Variants in CLEC16A observed in about 807,000 individuals in gnomAD.
The protein encoded by CLEC16A is C-type lectin domain containing 16A.
CLEC16A carries 51 observed loss-of-function variants against 109.5 expected under a neutral mutation model. The ratio of observed to expected loss-of-function variants is 0.47; its 90% CI spans 0.37 to 0.59. CLEC16A has a LOEUF of 0.59. CLEC16A is among the 20% of genes least tolerant of loss of function. The pLI is 0.00. For synonymous variants in CLEC16A, 673 were observed against 564.2 expected (o/e 1.19, Z -2.73); for missense variants, 1,339 against 1,394.0 (o/e 0.96, Z 0.63).
At chr16:11,126,458 T>A (rs2052828112) in intron 22 of CLEC16A, 1 of 1,251,522 alleles carries the variant, frequency 8.0e-7, no homozygotes, top group South Asian at 1.7e-5. Flanking sequence ...GTGCTGAAGT[T>A]GTGGGAGAGT....
At position 11,129,291 on chromosome 16, in the gene CLEC16A, C is replaced by A. The variant is rs549479734; in HGVS notation, c.2641+3145C>A. On this transcript the variant is annotated intron_variant, in intron 22 of 23. Coordinates refer to ENST00000409790, the MANE Select transcript of CLEC16A (RefSeq NM_015226.3). ...TCAATATATACTTCTTGAATAAACC[C>A]ATTGCATATATGCATAACTAACATA... Among the ~76,000 whole-genome samples, 3 of 152,298 alleles carry A rather than the reference C, an allele frequency of 2.0e-5. No individual in the cohort carries two copies. The South Asian group carries it at 6.2e-4, about 32-fold the overall frequency.
In CLEC16A at chr16:11,002,975, A is replaced by T. The variant is rs1489927150; in HGVS notation, c.1072-99A>T. The T allele has an allele frequency of 1.7e-5, 15 of 859,906 alleles. No homozygotes were observed. The South Asian group carries it at 2.5e-4, about 14-fold the overall frequency. The allele number at this position is 859,906 out of a possible 1,614,324, so 53.3% of individuals were successfully genotyped here. A position where few individuals can be genotyped will look rare whatever the true frequency, so the allele number is the denominator to read the frequency against. On this transcript the variant is annotated intron_variant, in intron 10 of 23. Transcript: ENST00000409790. ...CTTATGATATAATGGTTTCTTTTGGAGATGAGTTTCTTAGGACAGAAACTT... is the reference window on the plus strand; with the variant it reads ...CTTATGATATAATGGTTTCTTTTGGTGATGAGTTTCTTAGGACAGAAACTT...
chr16:11,008,659 A>G (rs1345195435), intron 11 of CLEC16A, among the ~76,000 whole-genome samples: 1 of 151,606 alleles, frequency 6.6e-6, no homozygotes, highest in African/African-American at 2.4e-5. Context: ...AACAAAATTT[A>G]CCATCTGAAT....
intron 18 of CLEC16A, among the ~76,000 whole-genome samples, chr16:11,054,932 C>CTT (rs151109740): frequency 0.025 from 3,232 of 130,588 alleles, 90 homozygotes; most frequent in African/African-American, 0.075. Flanking sequence ...GGTTTTCTTT[C>CTT]TTTTTTTTTT....
intron 23 of CLEC16A, among the ~76,000 whole-genome samples, chr16:11,176,370 C>G (rs187749331): frequency 2.0e-5 from 3 of 152,330 alleles, no homozygotes; most frequent in Non-Finnish European, 1.5e-5. Flanking sequence ...AGAGCGAGGA[C>G]CAAAGCCTCA....
At position 11,023,519 on chromosome 16, in the gene CLEC16A, C is replaced by T. The variant is rs557347171; in HGVS notation, c.1437-1302C>T. ...GGGCTGTGGAGAAATGGGGATGGAA[C>T]ATAAATGTCCCCTTTAAGATTTTCA... On this transcript the variant is annotated intron_variant, in intron 12 of 23. Coordinates refer to ENST00000409790, the MANE Select transcript of CLEC16A (RefSeq NM_015226.3). 3.3e-5 allele frequency among the ~76,000 whole-genome samples: 5 copies of T among 152,038 alleles called. No individual in the cohort carries two copies. The South Asian group carries it at 8.3e-4, about 25-fold the overall frequency.
intron 19 of CLEC16A, among the ~76,000 whole-genome samples, chr16:11,119,643 C>G (rs565671632): frequency 6.6e-6 from 1 of 152,146 alleles, no homozygotes; most frequent in African/African-American, 2.4e-5. Context: ...CCTCCCTCCT[C>G]GGACTCCCAA....
At chr16:10,972,350 C>T (rs559820704) in intron 5 of CLEC16A, 83 of 578,246 alleles carry the variant, frequency 1.4e-4, no homozygotes, top group African/African-American at 1.4e-3. Flanking sequence ...AGATTGTGAC[C>T]CTGGTCCAAG....
At chr16:11,087,597 G>A (rs921827317) in intron 19 of CLEC16A, among the ~76,000 whole-genome samples, 5 of 152,148 alleles carry the variant, frequency 3.3e-5, no homozygotes, top group African/African-American at 4.8e-5. Context: ...AGTAAAAGTG[G>A]GATTCAACCC....
At chr16:11,150,963 T>G (rs1192329731) in intron 22 of CLEC16A, among the ~76,000 whole-genome samples, 1 of 152,210 alleles carries the variant, frequency 6.6e-6, no homozygotes, top group Non-Finnish European at 1.5e-5. Flanking sequence ...AATTTTCATT[T>G]TTTAGGAGGC....
chr16:11,122,342 A>T (rs1246001714), intron 20 of CLEC16A, among the ~76,000 whole-genome samples: 1 of 152,238 alleles, frequency 6.6e-6, no homozygotes, highest in Non-Finnish European at 1.5e-5. Flanking sequence ...ATTATCCATT[A>T]AGTGACTTAT....
chr16:11,067,135 G>A (rs550993297), intron 19 of CLEC16A, among the ~76,000 whole-genome samples: 1 of 147,098 alleles, frequency 6.8e-6, no homozygotes, highest in Non-Finnish European at 1.5e-5. Context: ...AATGGGGAGT[G>A]GGTTTGTTGT....
At chr16:11,119,299 A>G (rs1380679661) in intron 19 of CLEC16A, among the ~76,000 whole-genome samples, 1 of 152,114 alleles carries the variant, frequency 6.6e-6, no homozygotes. Flanking sequence ...CACAGCACCC[A>G]GCCTATATGT....
intron 22 of CLEC16A, among the ~76,000 whole-genome samples, chr16:11,135,204 A>C (rs1193832653): frequency 1.3e-5 from 2 of 152,194 alleles, no homozygotes; most frequent in African/African-American, 4.8e-5. Context: ...TGGGGAACAG[A>C]TCCTACTCAA....
At chr16:10,985,994 C>T (rs111326984) in intron 10 of CLEC16A, among the ~76,000 whole-genome samples, 134 of 137,338 alleles carry the variant, frequency 9.8e-4, no homozygotes, top group African/African-American at 3.5e-3. Flanking sequence ...GTGTGAGACA[C>T]TGCACCTGGC....
intron 13 of CLEC16A, among the ~76,000 whole-genome samples, chr16:11,032,586 G>T (rs1229890432): frequency 6.6e-6 from 1 of 152,210 alleles, no homozygotes; most frequent in Non-Finnish European, 1.5e-5. Context: ...AAATGAACAG[G>T]GTGGAGTGAT....
intron 18 of CLEC16A, among the ~76,000 whole-genome samples, chr16:11,057,438 T>G (rs2048267803): frequency 6.6e-6 from 1 of 152,212 alleles, no homozygotes; most frequent in South Asian, 2.1e-4. Context: ...GTCACGTGAT[T>G]ACCAAGCCCC....
intron 10 of CLEC16A, among the ~76,000 whole-genome samples, chr16:10,990,499 TG>T (rs1258432936): frequency 6.6e-6 from 1 of 152,220 alleles, no homozygotes; most frequent in Non-Finnish European, 1.5e-5. Context: ...CGGGTGACTG[TG>T]ACCAAAGGCC....
chr16:10,968,435 T>A (rs1377398430), intron 3 of CLEC16A, among the ~76,000 whole-genome samples: 1 of 152,202 alleles, frequency 6.6e-6, no homozygotes, highest in Non-Finnish European at 1.5e-5. Context: ...GGAATGGGGT[T>A]GCTCTTCAGT....
Sources: gnomAD v4.1 joint callset for allele counts (sites outside exome capture counted in the v4.1 genomes callset) on GRCh38, gnomAD v4.1.1 for gene constraint, MANE v1.5 for transcripts, NCBI Gene and HGNC (gene_info 2026-07-23, HGNC 2026-07-21) for gene names.